CACNA1E: variants seen among roughly 807,000 people sequenced by gnomAD.
CACNA1E encodes voltage-dependent R-type calcium channel subunit alpha-1E.
In CACNA1E, 40 loss-of-function variants were observed where a neutral mutation model predicts 259.2. That is an observed-to-expected ratio of 0.15 (90% CI 0.12 to 0.20). CACNA1E has a LOEUF of 0.20. Among genes scored for constraint, CACNA1E ranks in the 10% least tolerant of loss-of-function variants. The probability of loss-of-function intolerance (pLI) is 1.00; values close to 1 mark genes in which losing one functional copy is unlikely to be tolerated. For synonymous variants in CACNA1E, 1,104 were observed against 1,138.5 expected (o/e 0.97, Z 0.61); for missense variants, 1,874 against 3,040.1 (o/e 0.62, Z 9.02).
chr1:181,624,462 CTAAGTT>C (rs1386924529), intron 6 of CACNA1E, among the ~76,000 whole-genome samples: 1 of 152,194 alleles, frequency 6.6e-6, no homozygotes, highest in African/African-American at 2.4e-5. Flanking sequence ...CTTCTATCAA[CTAAGTT>C]TATGTAATTT....
At chr1:181,366,939 C>A (rs935978619) in intron 1 of CACNA1E, among the ~76,000 whole-genome samples, 12 of 152,150 alleles carry the variant, frequency 7.9e-5, no homozygotes, top group African/African-American at 2.9e-4. Context: ...GGGGCAATGG[C>A]ATGGAGTTTT....
intron 6 of CACNA1E, among the ~76,000 whole-genome samples, chr1:181,626,997 G>A (rs1656262907): frequency 6.6e-6 from 1 of 152,270 alleles, no homozygotes; most frequent in South Asian, 2.1e-4. Flanking sequence ...GGTAATGAGA[G>A]TGGTTATCTC....
At chr1:181,693,769 A>G (rs989108725) in intron 7 of CACNA1E, among the ~76,000 whole-genome samples, 3 of 152,220 alleles carry the variant, frequency 2.0e-5, no homozygotes, top group Non-Finnish European at 4.4e-5. Context: ...AAATCTGCAC[A>G]TGTACCCTCT....
intron 7 of CACNA1E, among the ~76,000 whole-genome samples, chr1:181,685,826 C>T (rs890504047): frequency 6.6e-6 from 1 of 152,048 alleles, no homozygotes; most frequent in Non-Finnish European, 1.5e-5. Flanking sequence ...TCATTTGTAC[C>T]CCACTTGTTT....
At chr1:181,382,056 G>A (rs886740141) in intron 1 of CACNA1E, among the ~76,000 whole-genome samples, 5 of 152,190 alleles carry the variant, frequency 3.3e-5, no homozygotes, top group Admixed American at 3.3e-4. Context: ...GAGAAGCCTG[G>A]GGACAGCCCC....
At chr1:181,613,725 C>G (rs1423793980) in intron 6 of CACNA1E, among the ~76,000 whole-genome samples, 1 of 152,192 alleles carries the variant, frequency 6.6e-6, no homozygotes, top group Non-Finnish European at 1.5e-5. Flanking sequence ...TTCCTTCCAG[C>G]CTTAAATCCT....
intron 6 of CACNA1E, among the ~76,000 whole-genome samples, chr1:181,602,504 G>C (rs945354633): frequency 2.0e-5 from 3 of 152,040 alleles, no homozygotes; most frequent in African/African-American, 4.8e-5. Context: ...TCAGATTTCA[G>C]ATTTTTGGAT....
At chr1:181,763,066 AG>A (rs1293282075) in intron 33 of CACNA1E, among the ~76,000 whole-genome samples, 1 of 152,194 alleles carries the variant, frequency 6.6e-6, no homozygotes, top group Non-Finnish European at 1.5e-5. Context: ...TTTGAATATT[AG>A]AGGGCCAGCG....
intron 3 of CACNA1E, among the ~76,000 whole-genome samples, chr1:181,530,374 G>A (rs1353444386): frequency 6.6e-6 from 1 of 152,108 alleles, no homozygotes; most frequent in African/African-American, 2.4e-5. Context: ...AGGCTTATAA[G>A]CATCCATATA....
At chr1:181,364,395 C>T (rs1332270679) in intron 1 of CACNA1E, among the ~76,000 whole-genome samples, 5 of 152,098 alleles carry the variant, frequency 3.3e-5, no homozygotes, top group Admixed American at 1.3e-4. Flanking sequence ...TTTTCCTCAC[C>T]GATTCATCAT....
chr1:181,796,108 ATTGT>A (rs1235887349), intron 46 of CACNA1E, among the ~76,000 whole-genome samples: 1 of 152,092 alleles, frequency 6.6e-6, no homozygotes, highest in Non-Finnish European at 1.5e-5. Context: ...AATAGATTGC[ATTGT>A]TTGACATATG....
At chr1:181,616,755 G>T (rs1655256786) in intron 6 of CACNA1E, among the ~76,000 whole-genome samples, 1 of 151,940 alleles carries the variant, frequency 6.6e-6, no homozygotes, top group Non-Finnish European at 1.5e-5. Context: ...AAAGGAGGTG[G>T]GGGGAATCAT....
At chr1:181,557,096 G>A (rs1648808764) in intron 3 of CACNA1E, among the ~76,000 whole-genome samples, 1 of 152,104 alleles carries the variant, frequency 6.6e-6, no homozygotes, top group Non-Finnish European at 1.5e-5. Flanking sequence ...GTGTCATCTT[G>A]GGGAGCATGT....
At chr1:181,408,456 G>C (rs1223312314) in intron 1 of CACNA1E, among the ~76,000 whole-genome samples, 1 of 152,148 alleles carries the variant, frequency 6.6e-6, no homozygotes, top group Non-Finnish European at 1.5e-5. Context: ...TGGTGCAAAG[G>C]ACATAATATT....
intron 1 of CACNA1E, among the ~76,000 whole-genome samples, chr1:181,394,139 T>C (rs1004198169): frequency 2.0e-5 from 3 of 152,178 alleles, no homozygotes; most frequent in African/African-American, 7.2e-5. Flanking sequence ...AGGTGCTTGA[T>C]ACAAGAATGG....
chr1:181,620,094 G>C (rs1223780170), intron 6 of CACNA1E, among the ~76,000 whole-genome samples: 1 of 152,172 alleles, frequency 6.6e-6, no homozygotes, highest in Non-Finnish European at 1.5e-5. Flanking sequence ...CTGATGTCAT[G>C]AGTTTTATTA....
At chr1:181,706,530 C>G (rs987636687) in intron 7 of CACNA1E, among the ~76,000 whole-genome samples, 5 of 152,326 alleles carry the variant, frequency 3.3e-5, no homozygotes, top group Admixed American at 3.3e-4. Flanking sequence ...ACTAGCTTGA[C>G]TAACGCTATG....
Position 181,737,024 on chromosome 1 carries a change from T to TG in CACNA1E, c.3423-500dup, listed in dbSNP as rs145916892. Reference sequence around the variant, plus strand: ...AGGGAGCAACCTGAGTTAAGGCATGTGAGCCATCCATGGCTAGAATGCAGA... The same window carrying TG: ...AGGGAGCAACCTGAGTTAAGGCATGTGGAGCCATCCATGGCTAGAATGCAGA... On this transcript the variant is annotated intron_variant, in intron 22 of 47. Transcript: ENST00000367573. Among the ~76,000 whole-genome samples, 160 of 152,332 alleles carry TG rather than the reference T, an allele frequency of 1.1e-3. 2 individuals are homozygous for TG. The highest frequency in any genetic ancestry group is 1.9e-3 in the Non-Finnish European group (130 of 68,022).
Position 181,411,713 on chromosome 1 carries a change from G to A in CACNA1E, c.-14-1420G>A, listed in dbSNP as rs146565607. On this transcript the variant is annotated intron_variant, in intron 1 of 11. Coordinates refer to the CACNA1E transcript ENST00000524607. ...CAACCTCTGCCCACCGGGTTCAAGC[G>A]ATTCTCCTGTCTCAGCCTCCCAAGT... Among the ~76,000 whole-genome samples, 1,008 of 152,252 alleles carry A rather than the reference G, an allele frequency of 6.6e-3. 2 individuals are homozygous for A. Among genetic ancestry groups the A allele is most frequent in the South Asian group, 0.018 (87 of 4,822 alleles).
Sources: allele counts gnomAD v4.1 joint callset (sites outside exome capture counted in the v4.1 genomes callset), GRCh38; gene constraint gnomAD v4.1.1; transcripts MANE v1.5; gene names NCBI Gene and HGNC (gene_info 2026-07-23, HGNC 2026-07-21).